The following DIS3L2 variants were observed in gnomAD, a reference collection of about 807,000 sequenced individuals.
The protein encoded by DIS3L2 is DIS3 like 3'-5' exoribonuclease 2.
DIS3L2 carries 34 observed loss-of-function variants against 97.5 expected under a neutral mutation model. The ratio of observed to expected loss-of-function variants is 0.35; its 90% CI spans 0.27 to 0.46. The LOEUF (loss-of-function observed/expected upper bound fraction) is 0.46, where lower values mean the gene tolerates loss of function less well. Among genes scored for constraint, DIS3L2 ranks in the 20% least tolerant of loss-of-function variants. The pLI, the probability that DIS3L2 is intolerant of heterozygous loss-of-function variation, is 1.00. For synonymous variants in DIS3L2, 435 were observed against 445.2 expected (o/e 0.98, Z 0.29); for missense variants, 1,038 against 1,146.0 (o/e 0.91, Z 1.36).
At chr2:232,188,354 T>G (rs911337381) in intron 9 of DIS3L2, among the ~76,000 whole-genome samples, 2 of 152,222 alleles carry the variant, frequency 1.3e-5, no homozygotes, top group African/African-American at 4.8e-5. Context: ...TTGTATGCTA[T>G]AAAATGATAA....
chr2:231,977,349 G>T (rs1451206349), intron 1 of DIS3L2, among the ~76,000 whole-genome samples: 3 of 152,172 alleles, frequency 2.0e-5, no homozygotes, highest in African/African-American at 7.2e-5. Flanking sequence ...ACTTGTGATT[G>T]TATTGTTTAT....
chr2:231,997,226 G>C (rs1400303431), intron 1 of DIS3L2, among the ~76,000 whole-genome samples: 2 of 152,342 alleles, frequency 1.3e-5, no homozygotes, highest in East Asian at 3.9e-4. Flanking sequence ...TCCTACAACT[G>C]ATTTCTATTC....
At position 232,041,581 on chromosome 2, in the gene DIS3L2, G is replaced by A. The variant is rs573752035; in HGVS notation, c.366+11501G>A. On this transcript the variant is annotated intron_variant, in intron 5 of 20. Transcript: ENST00000325385. ...AGCCAGAATTCTGAAACTTTTTTTG[G>A]TTGTACCAAAGGAGTCTTGGGAGCC... Among the ~76,000 whole-genome samples the A allele has an allele frequency of 2.0e-5, 3 of 152,242 alleles. No homozygotes were observed. In the South Asian group the frequency reaches 6.2e-4, roughly 32 times the overall value.
intron 1 of DIS3L2, among the ~76,000 whole-genome samples, chr2:232,005,114 C>T (rs72987615): frequency 0.018 from 2,740 of 149,300 alleles, 30 homozygotes; most frequent in Non-Finnish European, 0.021. Context: ...GGATTGTTTC[C>T]TGAATATTAT....
intron 6 of DIS3L2, among the ~76,000 whole-genome samples, chr2:232,121,808 G>A (rs1275139162): frequency 6.6e-6 from 1 of 152,088 alleles, no homozygotes; most frequent in Admixed American, 6.5e-5. Flanking sequence ...AGGAAATCAG[G>A]CAGTCTTTCC....
intron 1 of DIS3L2, among the ~76,000 whole-genome samples, chr2:232,004,100 T>C (rs1693982580): frequency 1.3e-5 from 2 of 152,074 alleles, no homozygotes; most frequent in Non-Finnish European, 2.9e-5. Flanking sequence ...GGAGACAGAG[T>C]CTTGCTCTGT....
intron 6 of DIS3L2, among the ~76,000 whole-genome samples, chr2:232,109,565 A>G (rs979620123): frequency 3.9e-5 from 6 of 152,214 alleles, no homozygotes; most frequent in Admixed American, 1.3e-4. Context: ...GAACCCAGAA[A>G]TAAGATTGTA....
chr2:232,203,004 G>A (rs1417258937), intron 9 of DIS3L2, among the ~76,000 whole-genome samples: 1 of 152,228 alleles, frequency 6.6e-6, no homozygotes, highest in African/African-American at 2.4e-5. Context: ...GAATGTCACA[G>A]CACCCATCTG....
chr2:232,215,470 C>T (rs1002013052), intron 10 of DIS3L2, among the ~76,000 whole-genome samples: 2 of 152,206 alleles, frequency 1.3e-5, no homozygotes, highest in African/African-American at 2.4e-5. Flanking sequence ...AAGGAAGCAC[C>T]AGTCTTCCTG....
At chr2:232,078,688 A>G (rs908537671) in intron 5 of DIS3L2, among the ~76,000 whole-genome samples, 1 of 152,222 alleles carries the variant, frequency 6.6e-6, no homozygotes, top group African/African-American at 2.4e-5. Context: ...TAATTATGCA[A>G]GTTTCTATAG....
intron 14 of DIS3L2, among the ~76,000 whole-genome samples, chr2:232,310,747 G>A (rs142596704): frequency 1.9e-3 from 292 of 152,346 alleles, no homozygotes; most frequent in African/African-American, 6.7e-3. Flanking sequence ...CCAGCTATCT[G>A]ATGCAAGCAG....
At chr2:232,019,718 C>T (rs1442526641) in intron 3 of DIS3L2, among the ~76,000 whole-genome samples, 1 of 151,930 alleles carries the variant, frequency 6.6e-6, no homozygotes, top group Non-Finnish European at 1.5e-5. Flanking sequence ...AGAACTTTAG[C>T]TCTGCAGGCA....
In DIS3L2 at chr2:232,132,826, G is replaced by T. The variant is rs150180561; in HGVS notation, c.702+2107G>T. Among the ~76,000 whole-genome samples the T allele has an allele frequency of 1.1e-3, 168 of 152,228 alleles. 3 individuals are homozygous for T. The East Asian group carries it at 0.03, about 27-fold the overall frequency. ...AAGGATTCTAGAAGTGGCCCAGAAAGCCTCTTTGTTTCTGTGGGACTGCGA... is the reference window on the plus strand; with the variant it reads ...AAGGATTCTAGAAGTGGCCCAGAAATCCTCTTTGTTTCTGTGGGACTGCGA... On this transcript the variant is annotated intron_variant, in intron 7 of 20. Transcript: ENST00000325385.
At chr2:232,187,581 T>C (rs1691476227) in intron 9 of DIS3L2, among the ~76,000 whole-genome samples, 2 of 152,130 alleles carry the variant, frequency 1.3e-5, no homozygotes, top group Admixed American at 1.3e-4. Context: ...TAGCTGGGAC[T>C]ACAGGTGCGC....
intron 9 of DIS3L2, among the ~76,000 whole-genome samples, chr2:232,209,307 A>C (rs115249132): frequency 0.014 from 2,197 of 152,258 alleles, 65 homozygotes; most frequent in African/African-American, 0.051. Context: ...TCCAGGCTGG[A>C]GTGCAGTGGC....
chr2:232,336,040 G>C, intron 20 of DIS3L2, 166 bp downstream of exon 20: 1 of 1,526,794 alleles, frequency 6.5e-7, no homozygotes, highest in Non-Finnish European at 8.8e-7. Flanking sequence ...CCTCCTGTGG[G>C]TCCTGCTTTC....
intron 15 of DIS3L2, 69 bp downstream of exon 15, chr2:232,330,065 G>A: frequency 6.5e-7 from 1 of 1,530,468 alleles, no homozygotes; most frequent in Non-Finnish European, 8.8e-7. Context: ...GGAAGGTGGG[G>A]TGGTCCAGCG....
At chr2:232,309,231 G>T (rs1180334726) in intron 14 of DIS3L2, among the ~76,000 whole-genome samples, 1 of 152,146 alleles carries the variant, frequency 6.6e-6, no homozygotes, top group African/African-American at 2.4e-5. Context: ...CCACTAGGTA[G>T]TGAGTGAGCC....
In DIS3L2 at chr2:232,016,921, TCTCCCTCCCTCC is replaced by T. The variant is rs1159539698; in HGVS notation, c.210+1261_210+1272del. On this transcript the variant is annotated intron_variant, in intron 3 of 20. Transcript: ENST00000325385. ...TGTCCCCTCCCTCCCTCCCTCCCTC[TCTCCCTCCCTCC>T]CTCCCTCCCTTCCTTCCTTCCTTCA... 3.4e-5 allele frequency among the ~76,000 whole-genome samples: 3 copies of T among 88,632 alleles called. No individual in the cohort carries two copies. In the South Asian group the frequency reaches 1.3e-3, roughly 40 times the overall value. The allele number at this position is 88,632 out of a possible 152,430, so 58.1% of individuals were successfully genotyped here. A position where few individuals can be genotyped will look rare whatever the true frequency, so the allele number is the denominator to read the frequency against.
Sources: allele counts gnomAD v4.1 joint callset (sites outside exome capture counted in the v4.1 genomes callset), GRCh38; gene constraint gnomAD v4.1.1; transcripts MANE v1.5; gene names NCBI Gene and HGNC (gene_info 2026-07-23, HGNC 2026-07-21).